The following ZFYVE28 variants were observed in gnomAD, a reference collection of about 807,000 sequenced individuals.
ZFYVE28 encodes zinc finger FYVE-type containing 28.
Under a neutral mutation model 82.1 loss-of-function variants are expected in ZFYVE28, and 40 were observed. The ratio of observed to expected loss-of-function variants is 0.49; its 90% CI spans 0.38 to 0.63. The LOEUF (loss-of-function observed/expected upper bound fraction) is 0.63, where lower values mean the gene tolerates loss of function less well. Among genes scored for constraint, ZFYVE28 ranks in the 30% least tolerant of loss-of-function variants. The pLI, the probability that ZFYVE28 is intolerant of heterozygous loss-of-function variation, is 0.00. For synonymous variants in ZFYVE28, 612 were observed against 546.1 expected, an observed-to-expected ratio of 1.12 and a Z score of -1.68; for missense variants, 1,321 against 1,242.1, an observed-to-expected ratio of 1.06 and a Z score of -0.96.
rs985110538 is a variant in ZFYVE28 at position 2,362,985 on chromosome 4, C to A, written c.40-8912G>T. Among the ~76,000 whole-genome samples, 16 of 150,414 alleles carry A rather than the reference C, an allele frequency of 1.1e-4. No individual in the cohort carries two copies. The highest frequency in any genetic ancestry group is 3.9e-4 in the African/African-American group (16 of 40,880). ...CCCACACGTGGCACCAAGCCCTGGG[C>A]TCATCACCATCCCCGTGGTCCCCTC... is the stretch of plus-strand genomic sequence containing the variant. On this transcript the variant is annotated intron_variant, in intron 1 of 12. Transcript: ENST00000290974. This position sits in a 1 kb window ranked among gnomAD's most constrained non-coding sequence, Gnocchi z 5.1.
intron 1 of ZFYVE28, among the ~76,000 whole-genome samples, chr4:2,365,783 C>T (rs140452239): frequency 0.013 from 2,045 of 152,314 alleles, 20 homozygotes; most frequent in Middle Eastern, 0.034. Context: ...AGAGTCACCC[C>T]TGATACCAGA....
At chr4:2,302,022 CGCAGTGAA>C (rs1391556130) in intron 8 of ZFYVE28, among the ~76,000 whole-genome samples, 1 of 152,204 alleles carries the variant, frequency 6.6e-6, no homozygotes, top group African/African-American at 2.4e-5. Flanking sequence ...GGCCCTGCCC[CGCAGTGAA>C]GGGAAGCAGG....
chr4:2,398,185 C>T (rs1730691451), intron 1 of ZFYVE28, among the ~76,000 whole-genome samples: 1 of 152,178 alleles, frequency 6.6e-6, no homozygotes, highest in South Asian at 2.1e-4. Context: ...GATGGCCTGG[C>T]TCCACAGGAG....
chr4:2,399,083 A>AGGTGAGATCCAGGGCACAAGTGTGG (rs1297197658), intron 1 of ZFYVE28, among the ~76,000 whole-genome samples: 2 of 117,502 alleles, frequency 1.7e-5, no homozygotes, highest in Non-Finnish European at 3.5e-5. Flanking sequence ...CACAAGCGTG[A>AGGTGAGATCCAGGGCACAAGTGTGG]AGGTGAGATC....
At chr4:2,366,612 G>C (rs145648343) in intron 1 of ZFYVE28, among the ~76,000 whole-genome samples, 112 of 152,360 alleles carry the variant, frequency 7.4e-4, no homozygotes, top group East Asian at 2.5e-3. Context: ...AGTGGCCCCA[G>C]AGAAAACCCT....
intron 6 of ZFYVE28, among the ~76,000 whole-genome samples, chr4:2,328,289 A>AT (rs1553841893): frequency 1.3e-5 from 2 of 152,230 alleles, no homozygotes; most frequent in Non-Finnish European, 2.9e-5. Context: ...GCTAAGTGAA[A>AT]TAAGTAAGGA....
intron 8 of ZFYVE28, among the ~76,000 whole-genome samples, chr4:2,298,815 G>A (rs1715049017): frequency 6.6e-6 from 1 of 152,224 alleles, no homozygotes; most frequent in Non-Finnish European, 1.5e-5. Flanking sequence ...GACGGCCACA[G>A]CCTCCGTCAG....
rs781645956 is a variant in ZFYVE28 at position 2,304,743 on chromosome 4, T to C, written c.1597A>G (p.Thr533Ala). 1.2e-6 allele frequency: 2 copies of C among 1,612,660 alleles called. No homozygotes were observed. Among genetic ancestry groups the C allele is most frequent in the Non-Finnish European group, 1.7e-6 (2 of 1,179,928 alleles). Residue 533 changes from threonine to alanine, a missense_variant, in exon 8 of 13, where the codon ACC becomes GCC. Thr to Ala is a moderately conservative substitution (Grantham distance 58, BLOSUM62 0). Transcript: ENST00000290974. ...SPTSLDSAVA[T>A]QEAASEPVAE... is the part of the protein sequence containing the mutation. The stretch of plus-strand genomic sequence containing the variant: ...ACGGGCTCCGAGGCGGCCTCCTGGG[T>C]GGCGACCGCAGAGTCCAGGGAAGTG...
chr4:2,391,736 C>CT lies in ZFYVE28; in HGVS notation c.39+26548dup, dbSNP rs1238628887. ...ACGGCTTCCTGTAAGTCAATTCTCT[C>CT]TCTCTTTTTTTTTTTTTGTGACTGA... On this transcript the variant is annotated intron_variant, in intron 1 of 12. Coordinates refer to ENST00000290974, the MANE Select transcript of ZFYVE28 (RefSeq NM_020972.3). Among the ~76,000 whole-genome samples the CT allele has an allele frequency of 5.0e-5, 5 of 99,514 alleles. No individual in the cohort carries two copies. The East Asian group carries it at 2.0e-3, about 40-fold the overall frequency. The allele number at this position is 99,514 out of a possible 152,430, so 65.3% of individuals were successfully genotyped here. A position where few individuals can be genotyped will look rare whatever the true frequency, so the allele number is the denominator to read the frequency against.
chr4:2,375,016 G>C (rs1453016668), intron 1 of ZFYVE28, among the ~76,000 whole-genome samples: 1 of 152,208 alleles, frequency 6.6e-6, no homozygotes, highest in African/African-American at 2.4e-5. Context: ...CTAAGTCCTT[G>C]TCTTTCTCTA....
At chr4:2,381,553 C>T (rs917818639) in intron 1 of ZFYVE28, among the ~76,000 whole-genome samples, 1 of 152,044 alleles carries the variant, frequency 6.6e-6, no homozygotes, top group African/African-American at 2.4e-5. Flanking sequence ...ACTACAGGCA[C>T]GCACCACCAT....
rs1202686297 is a variant in ZFYVE28, at chr4:2,271,302, C to G, written c.2532+9G>C. The G allele has an allele frequency of 2.5e-6, 4 of 1,611,840 alleles. No individual in the cohort carries two copies. In the African/African-American group the frequency reaches 4.0e-5, roughly 16 times the overall value. On this transcript the variant is annotated intron_variant, in intron 12 of 12. Coordinates refer to ENST00000290974, the MANE Select transcript of ZFYVE28 (RefSeq NM_020972.3). Reference sequence around the variant, plus strand: ...CTGAGGGACCCTCCGTGCAAGGGGTCTCACCCACCTTCCCACAGCTGCGGC... The same window carrying G: ...CTGAGGGACCCTCCGTGCAAGGGGTGTCACCCACCTTCCCACAGCTGCGGC...
At position 2,417,630 on chromosome 4, in the gene ZFYVE28, G is replaced by C. The variant is rs1733228843; in HGVS notation, c.39+655C>G. Reference sequence around the variant, plus strand: ...AAGGGACAAGGATAGGGACAAGGGAGGGGACGCGAACTGGGCCGAGGTGTG... The same window carrying C: ...AAGGGACAAGGATAGGGACAAGGGACGGGACGCGAACTGGGCCGAGGTGTG... On this transcript the variant is annotated intron_variant, in intron 1 of 12. Coordinates refer to ENST00000290974, the MANE Select transcript of ZFYVE28 (RefSeq NM_020972.3). The surrounding 1 kb of genome is among the most constrained non-coding windows in gnomAD (Gnocchi z 4.8). 6.6e-6 allele frequency among the ~76,000 whole-genome samples: 1 copy of C among 152,144 alleles called. No homozygotes were observed. The highest frequency in any genetic ancestry group is 1.5e-5 in the Non-Finnish European group (1 of 67,990).
chr4:2,378,058 G>C (rs1728345511), intron 1 of ZFYVE28, among the ~76,000 whole-genome samples: 1 of 152,228 alleles, frequency 6.6e-6, no homozygotes, highest in South Asian at 2.1e-4. Flanking sequence ...TATCCTAACA[G>C]GCTGGGCGCG....
chr4:2,276,370 G>T (rs1215131519), intron 8 of ZFYVE28, among the ~76,000 whole-genome samples: 1 of 152,176 alleles, frequency 6.6e-6, no homozygotes, highest in Non-Finnish European at 1.5e-5. Context: ...CTTCAGCTTG[G>T]GGGTGTGGGC....
At chr4:2,403,325 G>A (rs1257689226) in intron 1 of ZFYVE28, among the ~76,000 whole-genome samples, 2 of 152,264 alleles carry the variant, frequency 1.3e-5, no homozygotes, top group East Asian at 3.8e-4. Flanking sequence ...TCAAGTGGGG[G>A]CGTGGGAAGC....
intron 12 of ZFYVE28, 163 bp downstream of exon 12, chr4:2,271,148 G>A: frequency 1.0e-5 from 8 of 787,590 alleles, no homozygotes; most frequent in Non-Finnish European, 1.6e-5. Flanking sequence ...GTGGTCAAAT[G>A]CCTGGAGTCA....
At chr4:2,348,559 A>G (rs1006926600) in intron 2 of ZFYVE28, among the ~76,000 whole-genome samples, 2 of 152,246 alleles carry the variant, frequency 1.3e-5, no homozygotes, top group African/African-American at 2.4e-5. Context: ...AATAATGCGT[A>G]AAAGGATAAT....
chr4:2,321,230 C>T (rs1719028420), intron 6 of ZFYVE28, among the ~76,000 whole-genome samples: 1 of 152,092 alleles, frequency 6.6e-6, no homozygotes, highest in South Asian at 2.1e-4. Context: ...GGAGCACCAC[C>T]GGCCTGTCTC....
Sources: gnomAD v4.1 joint callset for allele counts (sites outside exome capture counted in the v4.1 genomes callset) on GRCh38, gnomAD v4.1.1 for gene constraint, Gnocchi (gnomAD v3.1) non-coding constraint, MANE v1.5 for transcripts, NCBI Gene and HGNC (gene_info 2026-07-23, HGNC 2026-07-21) for gene names.